CADM1: variants seen among roughly 807,000 people sequenced by gnomAD.
The protein encoded by CADM1 is cell adhesion molecule 1.
A neutral mutation model predicts 53.1 loss-of-function variants in CADM1; 15 were observed. That is an observed-to-expected ratio of 0.28 (90% CI 0.19 to 0.44). The LOEUF is 0.44. Among genes scored for constraint, CADM1 ranks in the 20% least tolerant of loss-of-function variants. The pLI is 1.00. For missense variants in CADM1, 434 were observed against 611.3 expected (o/e 0.71, Z 3.06); for synonymous variants, 281 against 243.0 (o/e 1.16, Z -1.45).
chr11:115,458,275 A>C (rs1948721417), intron 1 of CADM1, among the ~76,000 whole-genome samples: 1 of 152,106 alleles, frequency 6.6e-6, no homozygotes, highest in African/African-American at 2.4e-5. Context: ...CAAGCAGCAA[A>C]AGTGAAAAGC....
chr11:115,377,649 G>A (rs1209886228), intron 1 of CADM1: 1 of 152,078 alleles, frequency 6.6e-6, no homozygotes, highest in South Asian at 2.1e-4. Flanking sequence ...CATATACCTA[G>A]GCCTATCTTT....
intron 1 of CADM1, among the ~76,000 whole-genome samples, chr11:115,296,408 T>C (rs1944080337): frequency 6.6e-6 from 1 of 152,194 alleles, no homozygotes. Context: ...GTCTGGGCTA[T>C]GAGGGCAGAT....
intron 1 of CADM1, among the ~76,000 whole-genome samples, chr11:115,242,852 C>A (rs1467014883): frequency 6.6e-6 from 1 of 152,158 alleles, no homozygotes; most frequent in African/African-American, 2.4e-5. Context: ...AAGCCAGTTG[C>A]AATTCAATTA....
At chr11:115,280,894 T>C (rs1943567437) in intron 1 of CADM1, among the ~76,000 whole-genome samples, 1 of 152,240 alleles carries the variant, frequency 6.6e-6, no homozygotes, top group Non-Finnish European at 1.5e-5. Flanking sequence ...AGAAGTGACC[T>C]ATCCTTAATG....
chr11:115,465,218 C>A (rs1307323542), intron 1 of CADM1, among the ~76,000 whole-genome samples: 1 of 152,076 alleles, frequency 6.6e-6, no homozygotes, highest in Admixed American at 6.6e-5. Flanking sequence ...TACATCCGGG[C>A]TTGAAGAAAA....
intron 8 of CADM1, among the ~76,000 whole-genome samples, chr11:115,209,010 T>A (rs1291937417): frequency 2.6e-5 from 4 of 152,222 alleles, no homozygotes; most frequent in Non-Finnish European, 5.9e-5. Context: ...GAGGGGCACA[T>A]GAGTGCTCAG....
At chr11:115,323,912 A>G (rs961827785) in intron 1 of CADM1, among the ~76,000 whole-genome samples, 2 of 151,660 alleles carry the variant, frequency 1.3e-5, no homozygotes, top group African/African-American at 4.8e-5. Context: ...AGTGGGATCA[A>G]TCTAATTTGG....
intron 3 of CADM1, 120 bp downstream of exon 3, chr11:115,238,380 G>A: frequency 9.3e-7 from 1 of 1,077,924 alleles, no homozygotes; most frequent in African/African-American, 1.5e-5. Flanking sequence ...AGCAAGATGG[G>A]CGGTGATTCT....
intron 1 of CADM1, among the ~76,000 whole-genome samples, chr11:115,354,202 T>C (rs1243521449): frequency 5.3e-5 from 8 of 152,210 alleles, no homozygotes; most frequent in Middle Eastern, 3.2e-3. Flanking sequence ...AACTATCATT[T>C]ACTAAGGACC....
intron 8 of CADM1, among the ~76,000 whole-genome samples, chr11:115,201,611 A>G (rs1940432131): frequency 6.6e-6 from 1 of 152,244 alleles, no homozygotes; most frequent in African/African-American, 2.4e-5. Context: ...TGCAAATACT[A>G]AATTTCAATG....
At chr11:115,392,414 T>C (rs936875251) in intron 1 of CADM1, among the ~76,000 whole-genome samples, 2 of 151,940 alleles carry the variant, frequency 1.3e-5, no homozygotes, top group Admixed American at 6.6e-5. Flanking sequence ...AGAGTTATAA[T>C]AGGACATATA....
Position 115,173,586 on chromosome 11 carries a change from C to T in CADM1, c.*2888G>A, listed in dbSNP as rs765349555. ...CCAGAGGCCCATCTCTTCTCTCACT[C>T]GGAGGCGTCCATAAGAAGTCCATAA... On this transcript the variant is annotated 3_prime_UTR_variant, in exon 12 of 12. Transcript: ENST00000331581. 28 of 207,582 alleles carry T rather than the reference C, an allele frequency of 1.3e-4. No individual in the cohort carries two copies. Among genetic ancestry groups the T allele is most frequent in the East Asian group, 9.3e-4 (5 of 5,400 alleles). 12.9% of individuals were successfully genotyped at this position (207,582 alleles called of 1,614,324 possible).
chr11:115,310,446 C>G (rs1228039180), intron 1 of CADM1, among the ~76,000 whole-genome samples: 1 of 152,022 alleles, frequency 6.6e-6, no homozygotes, highest in Non-Finnish European at 1.5e-5. Flanking sequence ...AGCAGCACCC[C>G]CCAACTCTGT....
At chr11:115,386,668 T>C (rs1328923191) in intron 1 of CADM1, among the ~76,000 whole-genome samples, 1 of 151,458 alleles carries the variant, frequency 6.6e-6, no homozygotes, top group Non-Finnish European at 1.5e-5. Context: ...CTATAACTCA[T>C]TAATCCACTA....
At chr11:115,273,019 G>A (rs1048463697) in intron 1 of CADM1, among the ~76,000 whole-genome samples, 2 of 152,176 alleles carry the variant, frequency 1.3e-5, no homozygotes, top group Admixed American at 6.5e-5. Context: ...GTCAGGGCAG[G>A]TAGGGTCAAT....
At chr11:115,306,739 G>A (rs1944385289) in intron 1 of CADM1, among the ~76,000 whole-genome samples, 1 of 151,934 alleles carries the variant, frequency 6.6e-6, no homozygotes, top group African/African-American at 2.4e-5. Context: ...GTTAACCAAA[G>A]CTTTAATACA....
At chr11:115,259,614 GT>G (rs1000498616) in intron 1 of CADM1, among the ~76,000 whole-genome samples, 1 of 151,754 alleles carries the variant, frequency 6.6e-6, no homozygotes, top group African/African-American at 2.4e-5. Flanking sequence ...CCAACTTTTT[GT>G]TTTTTTTAAA....
chr11:115,218,664 T>G (rs1290457059), intron 5 of CADM1, among the ~76,000 whole-genome samples: 1 of 152,146 alleles, frequency 6.6e-6, no homozygotes, highest in African/African-American at 2.4e-5. Context: ...TCATCCAAGA[T>G]CACAGAGAGA....
intron 1 of CADM1, among the ~76,000 whole-genome samples, chr11:115,473,169 A>G (rs898868808): frequency 6.6e-6 from 1 of 152,244 alleles, no homozygotes; most frequent in African/African-American, 2.4e-5. Flanking sequence ...AGGTTTAAAA[A>G]GTAAGCAGGC....
Sources: gnomAD v4.1 joint callset for allele counts (sites outside exome capture counted in the v4.1 genomes callset) on GRCh38, gnomAD v4.1.1 for gene constraint, MANE v1.5 for transcripts, NCBI Gene and HGNC (gene_info 2026-07-23, HGNC 2026-07-21) for gene names.